The following ESRRG variants were observed in gnomAD, a reference collection of about 807,000 sequenced individuals.
The protein encoded by ESRRG is estrogen related receptor gamma.
ESRRG carries 13 observed loss-of-function variants against 44.0 expected under a neutral mutation model. The observed-to-expected ratio is 0.30, with a 90% CI of 0.19 to 0.47. ESRRG has a LOEUF of 0.47. ESRRG is among the 20% of genes least tolerant of loss of function. The pLI, the probability that ESRRG is intolerant of heterozygous loss-of-function variation, is 1.00. For synonymous variants in ESRRG, 215 were observed against 214.6 expected, an observed-to-expected ratio of 1.00 and a Z score of -0.02; for missense variants, 395 against 580.6, an observed-to-expected ratio of 0.68 and a Z score of 3.29.
chr1:216,636,167 A>G (rs929861025), intron 3 of ESRRG, among the ~76,000 whole-genome samples: 1 of 152,204 alleles, frequency 6.6e-6, no homozygotes, highest in African/African-American at 2.4e-5. Context: ...CTATTAGCAA[A>G]TTCTATGATC....
Position 216,789,129 on chromosome 1 carries a change from G to A in ESRRG, c.-13-111638C>T, listed in dbSNP as rs192668392. 3.3e-5 allele frequency among the ~76,000 whole-genome samples: 5 copies of A among 152,240 alleles called. No individual in the cohort carries two copies. In the East Asian group the frequency reaches 9.7e-4, roughly 29 times the overall value. On this transcript the variant is annotated intron_variant, in intron 2 of 7. Coordinates refer to the ESRRG transcript ENST00000359162. ...GATAAAGCAGCAGCAGGGTTGGAGA[G>A]GATTGACTCTCATTTTGGCAGAAGT...
At chr1:216,637,127 G>A (rs749668699) in intron 3 of ESRRG, among the ~76,000 whole-genome samples, 1 of 152,112 alleles carries the variant, frequency 6.6e-6, no homozygotes, top group Non-Finnish European at 1.5e-5. Flanking sequence ...TAATCAGACA[G>A]CAACCTGGAC....
intron 6 of ESRRG, among the ~76,000 whole-genome samples, chr1:216,510,487 A>G (rs2042389978): frequency 6.6e-6 from 1 of 152,186 alleles, no homozygotes; most frequent in Non-Finnish European, 1.5e-5. Flanking sequence ...AAATATCATC[A>G]TCCTTGCAGC....
rs2052062879 is a variant in ESRRG, at chr1:216,539,566, G to A, written c.863-20145C>T. Among the ~76,000 whole-genome samples the A allele has an allele frequency of 3.9e-5, 6 of 151,904 alleles. 1 individual carries two copies. In the South Asian group the frequency reaches 1.2e-3, roughly 32 times the overall value. ...AGCACACTCCTGCCTCAGGACCTTT[G>A]TATATGCTGTCCTTCCTGTCCATTT... On this transcript the variant is annotated intron_variant, in intron 5 of 6. Coordinates refer to ENST00000408911, the MANE Select transcript of ESRRG (RefSeq NM_001438.4).
intron 1 of ESRRG, among the ~76,000 whole-genome samples, chr1:216,948,482 A>C (rs111955400): frequency 3.4e-5 from 5 of 146,738 alleles, no homozygotes; most frequent in Non-Finnish European, 4.6e-5. Context: ...ATCTCAAAAA[A>C]AAAAAAAAAA....
chr1:216,553,722 C>T (rs1254501654), intron 5 of ESRRG, among the ~76,000 whole-genome samples: 1 of 151,932 alleles, frequency 6.6e-6, no homozygotes, highest in Non-Finnish European at 1.5e-5. Context: ...TTTTACTGCA[C>T]CATAAGAGAT....
chr1:216,744,785 A>G (rs978295672), intron 2 of ESRRG, among the ~76,000 whole-genome samples: 3 of 152,162 alleles, frequency 2.0e-5, no homozygotes, highest in Non-Finnish European at 4.4e-5. Context: ...CATTGAAGCT[A>G]CATCAGCCTT....
chr1:216,767,822 T>A (rs1031092507), intron 2 of ESRRG, among the ~76,000 whole-genome samples: 1 of 152,160 alleles, frequency 6.6e-6, no homozygotes, highest in Non-Finnish European at 1.5e-5. Context: ...AGAAAAAGTG[T>A]GGCCTATTAA....
rs1049866248 is a variant in ESRRG, at chr1:216,906,839, T to C, written c.-14+32743A>G. Among the ~76,000 whole-genome samples, 17 of 152,310 alleles carry C rather than the reference T, an allele frequency of 1.1e-4. 1 individual carries two copies. The highest frequency in any genetic ancestry group is 2.9e-4 in the African/African-American group (12 of 41,574). On this transcript the variant is annotated intron_variant, in intron 2 of 7. Transcript: ENST00000359162. ...CAACACATTGGTTCCCTTTTTATTT[T>C]TGTACATTTAGAGATAAAGATCATG...
At chr1:216,511,747 C>T (rs1482927650) in intron 6 of ESRRG, among the ~76,000 whole-genome samples, 1 of 151,938 alleles carries the variant, frequency 6.6e-6, no homozygotes, top group African/African-American at 2.4e-5. Context: ...TTTGTCACAC[C>T]GAATAGAAAG....
chr1:216,868,364 G>A (rs193134000), intron 2 of ESRRG, among the ~76,000 whole-genome samples: 39 of 152,000 alleles, frequency 2.6e-4, no homozygotes, highest in Admixed American at 8.5e-4. Context: ...CTGGGATTAC[G>A]GGATCCTGTG....
At chr1:216,585,444 A>G (rs1425722269) in intron 3 of ESRRG, among the ~76,000 whole-genome samples, 4 of 152,212 alleles carry the variant, frequency 2.6e-5, no homozygotes, top group African/African-American at 9.6e-5. Context: ...AGAATACATA[A>G]TTGTAAAATT....
chr1:216,837,159 T>C (rs1577087084), intron 2 of ESRRG, among the ~76,000 whole-genome samples: 1 of 151,976 alleles, frequency 6.6e-6, no homozygotes, highest in Non-Finnish European at 1.5e-5. Context: ...TCTGTAATCC[T>C]AACACTTTGG....
At chr1:216,978,831 G>T (rs377764923) in intron 1 of ESRRG, among the ~76,000 whole-genome samples, 3 of 152,136 alleles carry the variant, frequency 2.0e-5, no homozygotes, top group Admixed American at 6.6e-5. Context: ...GGAGGCCAAG[G>T]TCTCTTTCCT....
At position 217,049,214 on chromosome 1, in the gene ESRRG, T is replaced by C. The variant is rs985208093; in HGVS notation, c.-106+40293A>G. ...GATAAGCCTTTCCTGACCAGGATTTTCATCTCTGAAAAATTCTTGGTTATG... is the reference window on the plus strand; with the variant it reads ...GATAAGCCTTTCCTGACCAGGATTTCCATCTCTGAAAAATTCTTGGTTATG... On this transcript the variant is annotated intron_variant, in intron 1 of 7. Coordinates refer to the ESRRG transcript ENST00000359162. 2.0e-5 allele frequency among the ~76,000 whole-genome samples: 3 copies of C among 152,314 alleles called. No individual in the cohort carries two copies. The East Asian group carries it at 5.8e-4, about 29-fold the overall frequency.
chr1:216,659,297 A>C (rs540052945), intron 2 of ESRRG, among the ~76,000 whole-genome samples: 2 of 152,318 alleles, frequency 1.3e-5, no homozygotes, highest in East Asian at 3.9e-4. Flanking sequence ...AAACACTGAA[A>C]GATTTTGTCC....
At chr1:216,958,025 ACG>A (rs2068293448) in intron 1 of ESRRG, among the ~76,000 whole-genome samples, 1 of 72,826 alleles carries the variant, frequency 1.4e-5, no homozygotes, top group South Asian at 3.7e-4. Context: ...ATGAATGGAA[ACG>A]TATAGTACGC....
At chr1:217,105,151 T>C (rs577176431) in intron 1 of ESRRG, among the ~76,000 whole-genome samples, 9 of 152,280 alleles carry the variant, frequency 5.9e-5, no homozygotes, top group African/African-American at 1.9e-4. Context: ...AAGGCTAATA[T>C]TATGTCATGA....
intron 3 of ESRRG, among the ~76,000 whole-genome samples, chr1:216,590,025 C>T (rs570289990): frequency 6.7e-6 from 1 of 149,804 alleles, no homozygotes; most frequent in South Asian, 2.1e-4. Context: ...GATATTACTG[C>T]AAGATAATAA....
Sources: gnomAD v4.1 joint callset for allele counts (sites outside exome capture counted in the v4.1 genomes callset) on GRCh38, gnomAD v4.1.1 for gene constraint, MANE v1.5 for transcripts, NCBI Gene and HGNC (gene_info 2026-07-23, HGNC 2026-07-21) for gene names.